Variants in CUL1 observed in about 807,000 individuals in gnomAD.
CUL1 encodes the protein cullin-1.
CUL1 carries 24 observed loss-of-function variants against 118.0 expected under a neutral mutation model. The ratio of observed to expected loss-of-function variants is 0.20; its 90% CI spans 0.15 to 0.29. The LOEUF is 0.29. CUL1 is among the 10% of genes least tolerant of loss of function. The pLI is 1.00. For synonymous variants in CUL1, 332 were observed against 340.4 expected (o/e 0.98, Z 0.27); for missense variants, 361 against 933.8 (o/e 0.39, Z 7.99).
chr7:148,774,128 G>C (rs929838045), intron 9 of CUL1, among the ~76,000 whole-genome samples: 2 of 152,200 alleles, frequency 1.3e-5, no homozygotes, highest in Non-Finnish European at 2.9e-5. Flanking sequence ...TTCTCAAAGT[G>C]TGTGCAATGC....
intron 9 of CUL1, among the ~76,000 whole-genome samples, chr7:148,768,681 G>A (rs539284338): frequency 3.9e-5 from 6 of 152,144 alleles, no homozygotes; most frequent in East Asian, 1.9e-4. Context: ...CGTCACGTGC[G>A]GCCGAGAAGA....
chr7:148,757,224 CA>C, intron 4 of CUL1, 74 bp downstream of exon 4: 1 of 971,136 alleles, frequency 1.0e-6, no homozygotes, highest in Non-Finnish European at 1.4e-6. Flanking sequence ...TGTCTTTCAG[CA>C]AGAGAATCTA....
chr7:148,731,846 G>T (rs1187890480), intron 2 of CUL1, among the ~76,000 whole-genome samples: 1 of 152,172 alleles, frequency 6.6e-6, no homozygotes, highest in Non-Finnish European at 1.5e-5. Flanking sequence ...CTTGTAGCGC[G>T]TATCACTGTG....
rs140814158 is a variant in CUL1, at chr7:148,719,877, ACT to A, written c.-161-10082_-161-10081del. Among the ~76,000 whole-genome samples, 385 of 152,274 alleles carry A rather than the reference ACT, an allele frequency of 2.5e-3. 1 individual carries two copies. Among genetic ancestry groups the A allele is most frequent in the African/African-American group, 9.0e-3 (372 of 41,554 alleles). On this transcript the variant is annotated intron_variant, in intron 1 of 21. Transcript: ENST00000325222. Reference sequence around the variant, plus strand: ...GGTTGTAATGTCAAATGCAGGAGTAACTCTTGGTAGCACACTTCTTAAGGAGG... The same window carrying A: ...GGTTGTAATGTCAAATGCAGGAGTAACTTGGTAGCACACTTCTTAAGGAGG...
In CUL1 at chr7:148,756,964, T is replaced by G; in HGVS notation, c.316-19T>G. 6.4e-7 allele frequency: 1 copy of G among 1,553,360 alleles called. No individual in the cohort carries two copies. On this transcript the variant is annotated intron_variant, in intron 3 of 21. Coordinates refer to ENST00000325222, the MANE Select transcript of CUL1 (RefSeq NM_003592.3). ...GTGACAAATTAGTCATCTTAAAGCT[T>G]TAGTTAACTTGTTTTTAGGATGGAG...
intron 17 of CUL1, among the ~76,000 whole-genome samples, chr7:148,795,263 C>G (rs1459809165): frequency 2.0e-5 from 3 of 152,136 alleles, no homozygotes; most frequent in Admixed American, 2.0e-4. Context: ...TCCTGAGTAG[C>G]TGGCACTACA....
intron 2 of CUL1, among the ~76,000 whole-genome samples, chr7:148,745,259 T>C (rs1799275557): frequency 6.6e-6 from 1 of 152,206 alleles, no homozygotes; most frequent in African/African-American, 2.4e-5. Flanking sequence ...AACATATTTT[T>C]CTATATCTTT....
At chr7:148,712,012 C>T (rs1798069522) in intron 1 of CUL1, among the ~76,000 whole-genome samples, 2 of 152,192 alleles carry the variant, frequency 1.3e-5, no homozygotes, top group African/African-American at 4.8e-5. Flanking sequence ...GCTTAGTGGC[C>T]TGAGGATGTT....
intron 1 of CUL1, among the ~76,000 whole-genome samples, chr7:148,704,004 T>A (rs1797803002): frequency 6.6e-6 from 1 of 152,214 alleles, no homozygotes; most frequent in Admixed American, 6.5e-5. Flanking sequence ...AGGAAAAGAT[T>A]TGAGTACTTT....
chr7:148,732,425 C>T (rs1798792551), intron 2 of CUL1, among the ~76,000 whole-genome samples: 1 of 151,268 alleles, frequency 6.6e-6, no homozygotes, highest in African/African-American at 2.4e-5. Flanking sequence ...TCACTGCAAC[C>T]TCTGTCTCCC....
chr7:148,760,643 C>T (rs544591705), intron 7 of CUL1, 147 bp downstream of exon 7: 2 of 556,888 alleles, frequency 3.6e-6, no homozygotes, highest in South Asian at 2.9e-5. Flanking sequence ...AAGTGCTTCT[C>T]CTAATTCTCC....
At position 148,786,742 on chromosome 7, in the gene CUL1, G is replaced by C. The variant is rs190329048; in HGVS notation, c.1347+143G>C. 5.4e-5 allele frequency: 45 copies of C among 832,520 alleles called. No homozygotes were observed. In the East Asian group the frequency reaches 1.2e-3, roughly 22 times the overall value. 51.6% of individuals were successfully genotyped at this position (832,520 alleles called of 1,614,324 possible). On this transcript the variant is annotated intron_variant, in intron 12 of 21. Transcript: ENST00000325222. ...AATCTCTGGTTTTACTTCCTAAATTGAGTTACTACTTTTAGCATTCATACT... is the reference window on the plus strand; with the variant it reads ...AATCTCTGGTTTTACTTCCTAAATTCAGTTACTACTTTTAGCATTCATACT...
intron 2 of CUL1, among the ~76,000 whole-genome samples, chr7:148,748,745 T>C (rs1799384450): frequency 6.6e-6 from 1 of 152,200 alleles, no homozygotes; most frequent in African/African-American, 2.4e-5. Flanking sequence ...CAGCAGAAAT[T>C]ATATACTTGG....
chr7:148,734,853 G>A (rs1165337201), intron 2 of CUL1, among the ~76,000 whole-genome samples: 1 of 152,048 alleles, frequency 6.6e-6, no homozygotes, highest in African/African-American at 2.4e-5. Flanking sequence ...TTCCAGGTCA[G>A]GTACCTCAGA....
intron 2 of CUL1, among the ~76,000 whole-genome samples, chr7:148,740,679 G>A (rs1468002783): frequency 1.3e-5 from 2 of 152,130 alleles, no homozygotes; most frequent in Non-Finnish European, 2.9e-5. Context: ...ATATTTGGAT[G>A]GTATTTGGAG....
intron 1 of CUL1, among the ~76,000 whole-genome samples, chr7:148,709,101 A>G (rs1382633123): frequency 6.6e-6 from 1 of 152,216 alleles, no homozygotes; most frequent in Non-Finnish European, 1.5e-5. Context: ...TAGTTATAGG[A>G]AAAGTGATTC....
intron 9 of CUL1, among the ~76,000 whole-genome samples, chr7:148,781,658 A>G (rs960496549): frequency 1.6e-4 from 25 of 152,208 alleles, no homozygotes; most frequent in Admixed American, 1.6e-3. Flanking sequence ...TAGAGACATC[A>G]CTGGTTCAGA....
At chr7:148,799,754 A>G (rs1801326523) in intron 21 of CUL1, among the ~76,000 whole-genome samples, 2 of 152,126 alleles carry the variant, frequency 1.3e-5, no homozygotes, top group African/African-American at 2.4e-5. Context: ...TGCGTGATAC[A>G]TAAACAGATT....
intron 15 of CUL1, 104 bp downstream of exon 15, chr7:148,789,930 G>A: frequency 9.5e-7 from 1 of 1,056,366 alleles, no homozygotes; most frequent in Non-Finnish European, 1.5e-6. Flanking sequence ...CTTCCTGCTG[G>A]CTGGCTGCAT....
Sources: allele counts gnomAD v4.1 joint callset (sites outside exome capture counted in the v4.1 genomes callset), GRCh38; gene constraint gnomAD v4.1.1; transcripts MANE v1.5; gene names NCBI Gene and HGNC (gene_info 2026-07-23, HGNC 2026-07-21).